The following RIC1 variants were observed in gnomAD, a reference collection of about 807,000 sequenced individuals.
RIC1 encodes RIC1 partner of RAB6A GEF complex.
RIC1 carries 88 observed loss-of-function variants against 169.0 expected under a neutral mutation model. The ratio of observed to expected loss-of-function variants is 0.52; its 90% CI spans 0.44 to 0.62. RIC1 has a LOEUF of 0.62. Ranked by LOEUF, RIC1 falls within the 20% of genes least tolerant of loss-of-function variation. RIC1 has a pLI of 0.00. For missense variants in RIC1, 1,877 were observed against 1,725.5 expected (o/e 1.09, Z -1.56); for synonymous variants, 790 against 601.5 (o/e 1.31, Z -4.59).
intron 7 of RIC1, among the ~76,000 whole-genome samples, chr9:5,735,614 A>C (rs1214619884): frequency 6.6e-6 from 1 of 152,220 alleles, no homozygotes. Context: ...TGTTGACATA[A>C]CAAACCAGTG....
At chr9:5,683,600 C>T (rs1820998252) in intron 2 of RIC1, among the ~76,000 whole-genome samples, 1 of 152,180 alleles carries the variant, frequency 6.6e-6, no homozygotes, top group South Asian at 2.1e-4. Flanking sequence ...GTCAGGGACC[C>T]ACTTGAGGAG....
chr9:5,737,358 T>C (rs192618311), intron 7 of RIC1, among the ~76,000 whole-genome samples: 2 of 152,254 alleles, frequency 1.3e-5, no homozygotes, highest in African/African-American at 4.8e-5. Context: ...ATTTTAAAAA[T>C]AAAATGTTTA....
At chr9:5,757,049 A>G (rs544512072) in intron 16 of RIC1, among the ~76,000 whole-genome samples, 2 of 152,188 alleles carry the variant, frequency 1.3e-5, no homozygotes, top group East Asian at 3.9e-4. Flanking sequence ...TTCCACTTAA[A>G]TATTTGTATT....
At chr9:5,698,807 C>T (rs569475673) in intron 3 of RIC1, among the ~76,000 whole-genome samples, 76 of 152,228 alleles carry the variant, frequency 5.0e-4, no homozygotes, top group Non-Finnish European at 9.9e-4. Context: ...AGGTTGCCTT[C>T]TGAATTATGT....
chr9:5,655,802 G>T (rs547388439), intron 1 of RIC1, among the ~76,000 whole-genome samples: 1 of 151,978 alleles, frequency 6.6e-6, no homozygotes, highest in African/African-American at 2.4e-5. Context: ...TGTTGGATTT[G>T]ATTTGCTAAT....
At chr9:5,722,348 A>AGTGTGTGTGTCT (rs1554673862) in intron 6 of RIC1, among the ~76,000 whole-genome samples, 2 of 131,298 alleles carry the variant, frequency 1.5e-5, no homozygotes, top group African/African-American at 5.8e-5. Context: ...AGAGAGAGAG[A>AGTGTGTGTGTCT]GTGTGTGTGT....
chr9:5,755,207 A>C (rs916982119), intron 15 of RIC1, among the ~76,000 whole-genome samples: 6 of 152,156 alleles, frequency 3.9e-5, no homozygotes, highest in Non-Finnish European at 8.8e-5. Flanking sequence ...AAAGCAAAAA[A>C]TTTCATGATA....
intron 1 of RIC1, among the ~76,000 whole-genome samples, chr9:5,654,942 T>G (rs1819000115): frequency 6.6e-6 from 1 of 152,250 alleles, no homozygotes; most frequent in South Asian, 2.1e-4. Context: ...TTGGATCCTG[T>G]AACCTTGCTA....
intron 2 of RIC1, among the ~76,000 whole-genome samples, chr9:5,671,064 A>G (rs1820061595): frequency 6.6e-6 from 1 of 152,170 alleles, no homozygotes; most frequent in African/African-American, 2.4e-5. Flanking sequence ...TGTTACCTGC[A>G]GGAGTAATTG....
In RIC1 at chr9:5,763,766, G is replaced by A; in HGVS notation, c.2739G>A (p.Trp913Ter). The A allele has an allele frequency of 6.2e-7, 1 of 1,614,162 alleles. No homozygotes were observed. The highest frequency in any genetic ancestry group is 8.5e-7 in the Non-Finnish European group (1 of 1,180,022). Reference sequence around the variant, plus strand: ...CCAGGAAGACCGAATATGCCCTGTGGAATTACCTTTTTGCAGCTGTTGGAA... The same window carrying A: ...CCAGGAAGACCGAATATGCCCTGTGAAATTACCTTTTTGCAGCTGTTGGAA... ...HCARKTEYAL[W>*]NYLFAAVGNP... The change falls in exon 19 of 26, where the codon TGG becomes TGA. Residue 913 changes from tryptophan (W) to a stop codon, truncating the protein, a stop_gained. Transcript: ENST00000414202. LOFTEE classifies it high-confidence loss of function. This position sits in a 1 kb window ranked among gnomAD's most constrained non-coding sequence, Gnocchi z 5.2.
intron 1 of RIC1, among the ~76,000 whole-genome samples, chr9:5,640,688 G>A (rs1267485397): frequency 2.6e-5 from 4 of 152,260 alleles, no homozygotes; most frequent in East Asian, 1.9e-4. Context: ...TATTACCAGC[G>A]AGTTGTACCT....
chr9:5,774,375 T>A lies in RIC1; in HGVS notation c.*129T>A. ...ACTCTTCGGTAAGTATTAGTAGATT[T>A]TAACTAATTCTTTCTTGTCTAAGAA... On this transcript the variant is annotated 3_prime_UTR_variant, in exon 26 of 26. Coordinates refer to ENST00000414202, the MANE Select transcript of RIC1 (RefSeq NM_020829.4). 1.5e-6 allele frequency: 1 copy of A among 680,858 alleles called. No individual in the cohort carries two copies. The highest frequency in any genetic ancestry group is 2.3e-6 in the Non-Finnish European group (1 of 440,690). 42.2% of individuals were successfully genotyped at this position (680,858 alleles called of 1,614,324 possible).
At chr9:5,662,873 G>T (rs924837363) in intron 2 of RIC1, among the ~76,000 whole-genome samples, 1 of 151,982 alleles carries the variant, frequency 6.6e-6, no homozygotes, top group African/African-American at 2.4e-5. Context: ...CTTGTCTTCT[G>T]CTAGCTTTTG....
intron 1 of RIC1, among the ~76,000 whole-genome samples, chr9:5,639,163 C>A (rs1429639937): frequency 1.3e-5 from 2 of 152,156 alleles, no homozygotes; most frequent in Non-Finnish European, 2.9e-5. Flanking sequence ...CACCTCGGCT[C>A]CCAAAGTGCT....
intron 2 of RIC1, among the ~76,000 whole-genome samples, chr9:5,678,692 G>GT (rs1820610290): frequency 2.7e-5 from 4 of 149,782 alleles, no homozygotes; most frequent in African/African-American, 7.3e-5. Context: ...TTTTGATGGG[G>GT]TTGTTTTTTT....
chr9:5,666,784 C>G (rs1478949626), intron 2 of RIC1, among the ~76,000 whole-genome samples: 1 of 141,520 alleles, frequency 7.1e-6, no homozygotes, highest in Non-Finnish European at 1.6e-5. Flanking sequence ...TCTGTATTCA[C>G]ACAATATATT....
chr9:5,680,155 G>A (rs1157036464), intron 2 of RIC1, among the ~76,000 whole-genome samples: 9 of 152,070 alleles, frequency 5.9e-5, no homozygotes, highest in Admixed American at 3.3e-4. Flanking sequence ...ATTGATTTTC[G>A]TATGTTGAAC....
In RIC1 at chr9:5,763,100, T is replaced by A. The variant is rs202175923; in HGVS notation, c.2113-40T>A. On this transcript the variant is annotated intron_variant, in intron 18 of 25. Coordinates refer to ENST00000414202, the MANE Select transcript of RIC1 (RefSeq NM_020829.4). The surrounding 1 kb of genome is among the most constrained non-coding windows in gnomAD (Gnocchi z 5.2). ...CTAGGAACTTAAGAACCTGCAGATT[T>A]AATAGGAAAACAACTTGATTCTTGT... 1.7e-5 allele frequency: 27 copies of A among 1,590,484 alleles called. No homozygotes were observed. The highest frequency in any genetic ancestry group is 2.2e-5 in the Non-Finnish European group (26 of 1,167,508).
intron 6 of RIC1, among the ~76,000 whole-genome samples, chr9:5,722,335 A>G (rs1005299773): frequency 4.2e-5 from 2 of 47,288 alleles, no homozygotes; most frequent in South Asian, 1.4e-3. Context: ...TGCAAAAACT[A>G]TAAGAGAGAG....
Sources: gnomAD v4.1 joint callset for allele counts (sites outside exome capture counted in the v4.1 genomes callset) on GRCh38, gnomAD v4.1.1 for gene constraint, Gnocchi (gnomAD v3.1) non-coding constraint, MANE v1.5 for transcripts, NCBI Gene and HGNC (gene_info 2026-07-23, HGNC 2026-07-21) for gene names.